The following CSMD1 variants were observed in gnomAD, a reference collection of about 807,000 sequenced individuals.
The protein encoded by CSMD1 is CUB and sushi domain-containing protein 1.
Under a neutral mutation model 417.5 loss-of-function variants are expected in CSMD1, and 213 were observed. The ratio of observed to expected loss-of-function variants is 0.51; its 90% CI spans 0.46 to 0.57. CSMD1 has a LOEUF of 0.57. CSMD1 is among the 20% of genes least tolerant of loss of function. CSMD1 has a pLI of 0.00. For missense variants in CSMD1, 6,923 were observed against 4,529.7 expected (o/e 1.53, Z -15.17); for synonymous variants, 2,862 against 1,736.8 (o/e 1.65, Z -16.11).
chr8:4,563,534 T>A (rs1798446912), intron 2 of CSMD1, among the ~76,000 whole-genome samples: 1 of 152,164 alleles, frequency 6.6e-6, no homozygotes, highest in Admixed American at 6.5e-5. Flanking sequence ...GCACTGATAC[T>A]CCTCACCACA....
At chr8:3,840,107 G>C (rs893779788) in intron 5 of CSMD1, among the ~76,000 whole-genome samples, 1 of 151,980 alleles carries the variant, frequency 6.6e-6, no homozygotes. Context: ...TTTCTTAATT[G>C]TTAAAAAGAC....
At chr8:3,961,295 A>T (rs541862803) in intron 5 of CSMD1, among the ~76,000 whole-genome samples, 6 of 152,350 alleles carry the variant, frequency 3.9e-5, no homozygotes, top group African/African-American at 9.6e-5. Flanking sequence ...CATAAAAGTT[A>T]TATGAGCATA....
chr8:4,827,175 T>G (rs1008121517), intron 1 of CSMD1, among the ~76,000 whole-genome samples: 1 of 152,198 alleles, frequency 6.6e-6, no homozygotes, highest in East Asian at 1.9e-4. Context: ...AAAGTTTTCG[T>G]TGCCATGCAA....
At chr8:3,557,753 T>C (rs1425408716) in intron 10 of CSMD1, among the ~76,000 whole-genome samples, 1 of 152,190 alleles carries the variant, frequency 6.6e-6, no homozygotes, top group Non-Finnish European at 1.5e-5. Context: ...AGTCCCCTAG[T>C]AGGTGACACA....
At chr8:3,482,487 G>C (rs1178769843) in intron 11 of CSMD1, among the ~76,000 whole-genome samples, 1 of 152,194 alleles carries the variant, frequency 6.6e-6, no homozygotes, top group Non-Finnish European at 1.5e-5. Flanking sequence ...TCCTAAATGT[G>C]TACAAACCAA....
intron 3 of CSMD1, among the ~76,000 whole-genome samples, chr8:4,056,287 T>G (rs1004686757): frequency 6.6e-6 from 1 of 151,844 alleles, no homozygotes; most frequent in Non-Finnish European, 1.5e-5. Context: ...TTCACCATGT[T>G]GGCCTGGCTC....
intron 23 of CSMD1, among the ~76,000 whole-genome samples, chr8:3,321,543 C>A (rs893356837): frequency 6.6e-6 from 1 of 152,162 alleles, no homozygotes; most frequent in African/African-American, 2.4e-5. Flanking sequence ...CCCATTACTT[C>A]GTCTAGAAAT....
intron 2 of CSMD1, among the ~76,000 whole-genome samples, chr8:4,482,317 C>A (rs948320826): frequency 2.0e-5 from 3 of 152,134 alleles, no homozygotes; most frequent in Non-Finnish European, 4.4e-5. Context: ...CTTCATTCAG[C>A]TCCCATTTAT....
rs1487345501 is a variant in CSMD1 at position 4,042,815 on chromosome 8, T to TTAAAAAAAAAAAAA, written c.416-10717_416-10716insTTTTTTTTTTTTTA. 5.3e-4 allele frequency among the ~76,000 whole-genome samples: 22 copies of TTAAAAAAAAAAAAA among 41,312 alleles called. 1 individual carries two copies. Among genetic ancestry groups the TTAAAAAAAAAAAAA allele is most frequent in the East Asian group, 6.9e-4 (1 of 1,456 alleles). 27.1% of individuals were successfully genotyped at this position (41,312 alleles called of 152,430 possible). A position where few individuals can be genotyped will look rare whatever the true frequency, so the allele number is the denominator to read the frequency against. ...CAATAGGTGAAGTGGTACAACATATTAAAAAAAAAAAAAAAAAAAAAAAAA... is the reference window on the plus strand; with the variant it reads ...CAATAGGTGAAGTGGTACAACATATTTAAAAAAAAAAAAAAAAAAAAAAAAAAAAAAAAAAAAAA... On this transcript the variant is annotated intron_variant, in intron 3 of 69. Coordinates refer to ENST00000635120, the MANE Select transcript of CSMD1 (RefSeq NM_033225.6).
At chr8:4,334,161 C>G (rs573475302) in intron 3 of CSMD1, among the ~76,000 whole-genome samples, 2 of 152,138 alleles carry the variant, frequency 1.3e-5, no homozygotes, top group Non-Finnish European at 2.9e-5. Context: ...CTGGCCTCAG[C>G]TTCCCAAAGT....
chr8:3,532,506 T>C (rs79288724), intron 10 of CSMD1, among the ~76,000 whole-genome samples: 1 of 152,044 alleles, frequency 6.6e-6, no homozygotes, highest in Admixed American at 6.6e-5. Flanking sequence ...ATCCCAACCT[T>C]CCCCTCAGAT....
chr8:4,287,973 G>T (rs568414049), intron 3 of CSMD1, among the ~76,000 whole-genome samples: 1 of 152,048 alleles, frequency 6.6e-6, no homozygotes, highest in Non-Finnish European at 1.5e-5. Flanking sequence ...AAGACAATAT[G>T]ATAATAAAAT....
At chr8:4,345,928 T>A (rs1175487229) in intron 3 of CSMD1, among the ~76,000 whole-genome samples, 2 of 152,018 alleles carry the variant, frequency 1.3e-5, no homozygotes, top group African/African-American at 4.8e-5. Context: ...GGGAGGGGCT[T>A]TTCTTCCTCA....
At position 3,712,713 on chromosome 8, in the gene CSMD1, G is replaced by C. The variant is rs1801597639; in HGVS notation, c.932-4222C>G. The stretch of plus-strand genomic sequence containing the variant: ...TAGTTTTCATATGAGTTTCTGTTTT[G>C]TTTTATTGTGTGGAAGATAACTTCA... On this transcript the variant is annotated intron_variant, in intron 6 of 69. Coordinates refer to ENST00000635120, the MANE Select transcript of CSMD1 (RefSeq NM_033225.6). Among the ~76,000 whole-genome samples the C allele has an allele frequency of 2.0e-5, 3 of 152,086 alleles. No homozygotes were observed. In the South Asian group the frequency reaches 6.2e-4, roughly 31 times the overall value.
At chr8:4,827,060 C>G (rs1381371015) in intron 1 of CSMD1, among the ~76,000 whole-genome samples, 1 of 152,002 alleles carries the variant, frequency 6.6e-6, no homozygotes, top group Non-Finnish European at 1.5e-5. Context: ...AGACTAAGAA[C>G]AGGGAAAAAA....
intron 1 of CSMD1, among the ~76,000 whole-genome samples, chr8:4,852,823 T>C (rs954258684): frequency 3.9e-5 from 6 of 152,130 alleles, no homozygotes; most frequent in Admixed American, 3.9e-4. Context: ...TACTGGGAAC[T>C]GGAGTGAAGG....
intron 10 of CSMD1, among the ~76,000 whole-genome samples, chr8:3,573,736 A>G (rs1409073952): frequency 6.6e-6 from 1 of 152,188 alleles, no homozygotes; most frequent in African/African-American, 2.4e-5. Flanking sequence ...GTAAAAATGA[A>G]GAGATGATCA....
intron 2 of CSMD1, among the ~76,000 whole-genome samples, chr8:4,448,007 G>T (rs780435993): frequency 1.3e-5 from 2 of 152,154 alleles, no homozygotes; most frequent in Non-Finnish European, 2.9e-5. Context: ...GGGGCAGGTG[G>T]TAAAACTAAA....
chr8:3,525,337 C>G (rs1422142439), intron 10 of CSMD1, among the ~76,000 whole-genome samples: 1 of 152,104 alleles, frequency 6.6e-6, no homozygotes, highest in African/African-American at 2.4e-5. Flanking sequence ...GGCAGCATTT[C>G]AAAAGCACTC....
Sources: allele counts gnomAD v4.1 joint callset (sites outside exome capture counted in the v4.1 genomes callset), GRCh38; gene constraint gnomAD v4.1.1; transcripts MANE v1.5; gene names NCBI Gene and HGNC (gene_info 2026-07-23, HGNC 2026-07-21).